The following AGBL1 variants were observed in gnomAD, a reference collection of about 807,000 sequenced individuals.
AGBL1 encodes cytosolic carboxypeptidase 4.
A neutral mutation model predicts 118.9 loss-of-function variants in AGBL1; 130 were observed. The ratio of observed to expected loss-of-function variants is 1.09; its 90% confidence interval spans 0.95 to 1.26. The LOEUF (loss-of-function observed/expected upper bound fraction) is 1.26, where lower values mean the gene tolerates loss of function less well. AGBL1 is among the 50% of genes most tolerant of loss of function. The probability of loss-of-function intolerance (pLI) is 0.00; values close to 1 mark genes in which losing one functional copy is unlikely to be tolerated. For missense variants in AGBL1, 1,584 were observed against 1,298.1 expected (o/e 1.22, Z -3.38); for synonymous variants, 555 against 478.9 (o/e 1.16, Z -2.08).
intron 6 of AGBL1, among the ~76,000 whole-genome samples, chr15:86,243,835 CCCGTCTCT>C (rs2078675662): frequency 6.6e-6 from 1 of 151,858 alleles, no homozygotes; most frequent in Non-Finnish European, 1.5e-5. Flanking sequence ...ATGGTGAAAC[CCCGTCTCT>C]ACTAAAAATA....
rs1005648563 is a variant in AGBL1, at chr15:86,476,838, A to T, written c.2556-45972A>T. Reference sequence around the variant, plus strand: ...TTGACCACATAGTTGGAAGTAAAGCACTCCTCAGCAAAAGTAAAAGAACAG... The same window carrying T: ...TTGACCACATAGTTGGAAGTAAAGCTCTCCTCAGCAAAAGTAAAAGAACAG... On this transcript the variant is annotated intron_variant, in intron 18 of 22. Transcript: ENST00000614907. Among the ~76,000 whole-genome samples, 59 of 152,178 alleles carry T rather than the reference A, an allele frequency of 3.9e-4. 2 individuals carry two copies. The highest frequency in any genetic ancestry group is 3.7e-3 in the Admixed American group (56 of 15,280).
At chr15:86,460,084 T>C (rs1392921382) in intron 18 of AGBL1, among the ~76,000 whole-genome samples, 24 of 151,916 alleles carry the variant, frequency 1.6e-4, no homozygotes, top group Admixed American at 1.2e-3. Flanking sequence ...GATTCAGCAA[T>C]AGAAGAGTGT....
chr15:86,182,340 G>A (rs567717584), intron 5 of AGBL1, among the ~76,000 whole-genome samples: 26 of 151,408 alleles, frequency 1.7e-4, no homozygotes, highest in African/African-American at 6.1e-4. Context: ...TGCATGCTAG[G>A]GAAATTCCTT....
downstream of AGBL1, among the ~76,000 whole-genome samples, chr15:86,918,109 A>G (rs1404849913): frequency 6.6e-6 from 1 of 152,248 alleles, no homozygotes; most frequent in East Asian, 1.9e-4. Context: ...AGGAAATTAC[A>G]GATTCCATTT....
intron 21 of AGBL1, among the ~76,000 whole-genome samples, chr15:86,566,112 C>CA (rs11419703): frequency 4.6e-5 from 7 of 151,890 alleles, no homozygotes; most frequent in East Asian, 3.9e-4. Context: ...CTTTGGCTCA[C>CA]CTCGTTGGGC....
chr15:86,982,559 C>T (rs993706276), intron 23 of AGBL1, among the ~76,000 whole-genome samples: 1 of 152,140 alleles, frequency 6.6e-6, no homozygotes, highest in Non-Finnish European at 1.5e-5. Flanking sequence ...TCCTCCACCT[C>T]GCCTGCCTCT....
intron 17 of AGBL1, among the ~76,000 whole-genome samples, chr15:86,366,154 AAAG>A: frequency 6.6e-6 from 1 of 152,162 alleles, no homozygotes; most frequent in East Asian, 1.9e-4. Flanking sequence ...TTTATCTAGA[AAAG>A]GCTGTAACAC....
chr15:86,669,036 A>G (rs1004881585), intron 21 of AGBL1, among the ~76,000 whole-genome samples: 2 of 152,178 alleles, frequency 1.3e-5, no homozygotes, highest in East Asian at 1.9e-4. Flanking sequence ...CTTAGGGGAG[A>G]AAAACAAAAG....
At chr15:86,418,013 T>C (rs1314904029) in intron 18 of AGBL1, among the ~76,000 whole-genome samples, 1 of 152,236 alleles carries the variant, frequency 6.6e-6, no homozygotes, top group African/African-American at 2.4e-5. Flanking sequence ...TTGATCTAGA[T>C]GGATCAAGTC....
intron 22 of AGBL1, among the ~76,000 whole-genome samples, chr15:86,701,259 C>T (rs1045564645): frequency 6.6e-6 from 1 of 152,004 alleles, no homozygotes; most frequent in African/African-American, 2.4e-5. Context: ...ATATGATTTT[C>T]ACATTTGGTG....
At chr15:86,327,971 T>G (rs1168173228) in intron 17 of AGBL1, among the ~76,000 whole-genome samples, 1 of 152,210 alleles carries the variant, frequency 6.6e-6, no homozygotes, top group African/African-American at 2.4e-5. Flanking sequence ...TTCATAGTTA[T>G]GTGGACCCCA....
intron 24 of AGBL1, among the ~76,000 whole-genome samples, chr15:86,991,891 C>T (rs771827161): frequency 2.6e-5 from 4 of 152,146 alleles, no homozygotes; most frequent in African/African-American, 9.7e-5. Flanking sequence ...TGGGGATAGA[C>T]TAAGGCTGTC....
chr15:86,162,564 C>A (rs2077282095), intron 5 of AGBL1, among the ~76,000 whole-genome samples: 1 of 152,184 alleles, frequency 6.6e-6, no homozygotes, highest in Admixed American at 6.5e-5. Flanking sequence ...TTCAGGCCTC[C>A]TCCACTTCCC....
At chr15:86,791,135 T>C (rs1433663211) in intron 22 of AGBL1, among the ~76,000 whole-genome samples, 1 of 152,164 alleles carries the variant, frequency 6.6e-6, no homozygotes, top group Admixed American at 6.5e-5. Flanking sequence ...GAACGTAAAA[T>C]GATTTGCCAC....
At chr15:86,406,616 C>T (rs1017521212) in intron 18 of AGBL1, among the ~76,000 whole-genome samples, 2 of 152,100 alleles carry the variant, frequency 1.3e-5, no homozygotes, top group Admixed American at 1.3e-4. Flanking sequence ...GAGGCTCTTC[C>T]TGAATCAAGC....
intron 23 of AGBL1, among the ~76,000 whole-genome samples, chr15:86,941,019 T>C (rs1331967181): frequency 6.6e-6 from 1 of 152,222 alleles, no homozygotes; most frequent in Non-Finnish European, 1.5e-5. Flanking sequence ...CTTAGATCTT[T>C]AAATGTAATT....
At chr15:86,219,412 C>T (rs1251271255) in intron 5 of AGBL1, among the ~76,000 whole-genome samples, 1 of 152,138 alleles carries the variant, frequency 6.6e-6, no homozygotes, top group African/African-American at 2.4e-5. Context: ...TTAAATTTTA[C>T]TTTATCTCAC....
chr15:86,793,119 T>A (rs2078519557), intron 22 of AGBL1, among the ~76,000 whole-genome samples: 1 of 152,134 alleles, frequency 6.6e-6, no homozygotes, highest in Non-Finnish European at 1.5e-5. Context: ...TAACAAAAAT[T>A]TTCATGATAA....
At chr15:86,153,566 G>A (rs1286606184) in intron 3 of AGBL1, among the ~76,000 whole-genome samples, 1 of 152,088 alleles carries the variant, frequency 6.6e-6, no homozygotes, top group Admixed American at 6.6e-5. Flanking sequence ...GTAAATGACG[G>A]GTTGATGGGT....
Sources: gnomAD v4.1 joint callset for allele counts (sites outside exome capture counted in the v4.1 genomes callset) on GRCh38, gnomAD v4.1.1 for gene constraint, MANE v1.5 for transcripts, NCBI Gene and HGNC (gene_info 2026-07-23, HGNC 2026-07-21) for gene names.